The following CAMTA1 variants were observed in gnomAD, a reference collection of about 807,000 sequenced individuals.
CAMTA1 encodes calmodulin binding transcription activator 1, also known as calmodulin-binding transcription activator 1.
Under a neutral mutation model 170.9 loss-of-function variants are expected in CAMTA1, and 27 were observed. The ratio of observed to expected loss-of-function variants is 0.16; its 90% CI spans 0.12 to 0.22. The LOEUF (loss-of-function observed/expected upper bound fraction) is 0.22, where lower values mean the gene tolerates loss of function less well. Ranked by LOEUF, CAMTA1 falls within the 10% of genes least tolerant of loss-of-function variation. The pLI, the probability that CAMTA1 is intolerant of heterozygous loss-of-function variation, is 1.00. For missense variants in CAMTA1, 1,619 were observed against 2,217.2 expected (o/e 0.73, Z 5.42); for synonymous variants, 833 against 891.5 (o/e 0.93, Z 1.17).
At chr1:7,441,383 G>T (rs192645427) in intron 5 of CAMTA1, 1 of 152,118 alleles carries the variant, frequency 6.6e-6, no homozygotes, top group African/African-American at 2.4e-5. Context: ...TCTGCTGTAC[G>T]CACCGCCCTG....
chr1:6,979,997 A>AC (rs931765284), intron 3 of CAMTA1, among the ~76,000 whole-genome samples: 4 of 151,836 alleles, frequency 2.6e-5, no homozygotes, highest in African/African-American at 7.3e-5. Flanking sequence ...AGAAAAACGC[A>AC]CCCCCATCCC....
intron 5 of CAMTA1, among the ~76,000 whole-genome samples, chr1:7,383,230 G>A (rs1485665870): frequency 6.6e-6 from 1 of 151,768 alleles, no homozygotes; most frequent in Non-Finnish European, 1.5e-5. Flanking sequence ...GAAGAAGGAG[G>A]GCCAGGACGG....
At chr1:7,433,141 G>T (rs1030723196) in intron 5 of CAMTA1, among the ~76,000 whole-genome samples, 5 of 152,238 alleles carry the variant, frequency 3.3e-5, no homozygotes, top group African/African-American at 1.2e-4. Flanking sequence ...TGCTCATGGA[G>T]GTCCCTGAGG....
intron 5 of CAMTA1, among the ~76,000 whole-genome samples, chr1:7,397,928 A>G (rs908429430): frequency 6.6e-6 from 1 of 151,880 alleles, no homozygotes; most frequent in Non-Finnish European, 1.5e-5. Context: ...AGAAAGTGCC[A>G]TGTGCTGTAG....
intron 6 of CAMTA1, among the ~76,000 whole-genome samples, chr1:7,543,851 T>C (rs2094649167): frequency 7.1e-6 from 1 of 141,798 alleles, no homozygotes; most frequent in Non-Finnish European, 1.5e-5. Flanking sequence ...TTTTTTTTTT[T>C]CTGAACAGGA....
chr1:6,973,902 G>A (rs758765492), intron 3 of CAMTA1, among the ~76,000 whole-genome samples: 1 of 152,182 alleles, frequency 6.6e-6, no homozygotes, highest in Non-Finnish European at 1.5e-5. Flanking sequence ...GCCGGGGAAG[G>A]GGCTTTCACG....
At chr1:7,073,324 G>T (rs1005149367) in intron 3 of CAMTA1, among the ~76,000 whole-genome samples, 1 of 152,196 alleles carries the variant, frequency 6.6e-6, no homozygotes, top group Non-Finnish European at 1.5e-5. Context: ...AAGATATTTG[G>T]ATGGAATTGT....
intron 7 of CAMTA1, among the ~76,000 whole-genome samples, chr1:7,655,152 A>G (rs2095881792): frequency 6.8e-6 from 1 of 147,752 alleles, no homozygotes; most frequent in South Asian, 2.2e-4. Flanking sequence ...CCACCTATAC[A>G]CACACCTATA....
At chr1:7,488,222 A>T (rs371398020) in intron 6 of CAMTA1, among the ~76,000 whole-genome samples, 2 of 152,256 alleles carry the variant, frequency 1.3e-5, no homozygotes, top group African/African-American at 4.8e-5. Context: ...AGGTGACCAG[A>T]GCCTTTCCAG....
intron 5 of CAMTA1, among the ~76,000 whole-genome samples, chr1:7,406,626 G>A (rs1362585044): frequency 6.6e-6 from 1 of 151,872 alleles, no homozygotes; most frequent in African/African-American, 2.4e-5. Flanking sequence ...ACACATGCAT[G>A]CAGACACACA....
rs559521478 is a variant in CAMTA1 at position 7,401,863 on chromosome 1, A to G, written c.439-65967A>G. Among the ~76,000 whole-genome samples the G allele has an allele frequency of 3.3e-5, 5 of 152,194 alleles. No homozygotes were observed. In the South Asian group the frequency reaches 1.0e-3, roughly 32 times the overall value. The stretch of plus-strand genomic sequence containing the variant: ...TCTTTATGGCTCCACATCCAGCTCT[A>G]TGCTTCCCACTCCCCACCCTCTAGG... On this transcript the variant is annotated intron_variant, in intron 5 of 22. Transcript: ENST00000303635.
intron 1 of CAMTA1, among the ~76,000 whole-genome samples, chr1:6,792,674 C>A (rs769441723): frequency 1.3e-5 from 2 of 152,020 alleles, no homozygotes; most frequent in Non-Finnish European, 2.9e-5. Flanking sequence ...CATATTCAAC[C>A]TCAGTGTTTG....
rs895555993 is a variant in CAMTA1, at chr1:6,798,510, C to T, written c.45+12935C>T. ...GTGCAGTGATGCAAGCTCCACTTCTCGAGTTCACGCCATTCTCCTGCCTCA... is the reference window on the plus strand; with the variant it reads ...GTGCAGTGATGCAAGCTCCACTTCTTGAGTTCACGCCATTCTCCTGCCTCA... On this transcript the variant is annotated intron_variant, in intron 1 of 22. Coordinates refer to ENST00000303635, the MANE Select transcript of CAMTA1 (RefSeq NM_015215.4). Among the ~76,000 whole-genome samples the T allele has an allele frequency of 1.1e-4, 16 of 151,710 alleles. 1 individual carries two copies. The highest frequency in any genetic ancestry group is 2.9e-4 in the African/African-American group (12 of 41,256).
At position 7,159,944 on chromosome 1, in the gene CAMTA1, T is replaced by C. The variant is rs115363437; in HGVS notation, c.302+68573T>C. ...AATGGTTCCTGGCACATAGTACACT[T>C]TCAGTAAAAAACTTAGCTGTGGCTG... is the stretch of plus-strand genomic sequence containing the variant. On this transcript the variant is annotated intron_variant, in intron 4 of 22. Coordinates refer to ENST00000303635, the MANE Select transcript of CAMTA1 (RefSeq NM_015215.4). 9.4e-3 allele frequency among the ~76,000 whole-genome samples: 1,433 copies of C among 152,262 alleles called. 14 individuals are homozygous for C. Among genetic ancestry groups the C allele is most frequent in the Non-Finnish European group, 0.015 (1,053 of 68,030 alleles).
At chr1:7,719,557 A>G (rs1290316677) in intron 11 of CAMTA1, among the ~76,000 whole-genome samples, 1 of 152,236 alleles carries the variant, frequency 6.6e-6, no homozygotes, top group African/African-American at 2.4e-5. Flanking sequence ...TTTGGTATAC[A>G]GAGTCAGAGA....
chr1:7,627,037 C>T (rs2095638381), intron 6 of CAMTA1, among the ~76,000 whole-genome samples: 1 of 152,172 alleles, frequency 6.6e-6, no homozygotes. Flanking sequence ...GAAGTGATCC[C>T]ATTGGCCCAA....
intron 1 of CAMTA1, among the ~76,000 whole-genome samples, chr1:6,800,069 C>G (rs902910932): frequency 6.6e-6 from 1 of 152,036 alleles, no homozygotes; most frequent in Admixed American, 6.6e-5. Context: ...ACATAGAGGG[C>G]TTAATTTTTT....
chr1:7,382,231 C>A (rs2087423517), intron 5 of CAMTA1, among the ~76,000 whole-genome samples: 1 of 152,194 alleles, frequency 6.6e-6, no homozygotes, highest in African/African-American at 2.4e-5. Flanking sequence ...GATTCTAATA[C>A]TTAAGGAAGA....
intron 4 of CAMTA1, among the ~76,000 whole-genome samples, chr1:7,207,069 A>C (rs956384087): frequency 1.3e-5 from 2 of 152,346 alleles, no homozygotes; most frequent in African/African-American, 4.8e-5. Context: ...TTAGCTGAGA[A>C]GTGTCTGGCC....
Sources: allele counts gnomAD v4.1 joint callset (sites outside exome capture counted in the v4.1 genomes callset), GRCh38; gene constraint gnomAD v4.1.1; transcripts MANE v1.5; gene names NCBI Gene and HGNC (gene_info 2026-07-23, HGNC 2026-07-21).